PLCB4: variants seen among roughly 807,000 people sequenced by gnomAD.
The protein encoded by PLCB4 is 1-phosphatidylinositol 4,5-bisphosphate phosphodiesterase beta-4.
A neutral mutation model predicts 178.8 loss-of-function variants in PLCB4; 77 were observed. The observed-to-expected ratio is 0.43, with a 90% CI of 0.36 to 0.52. The LOEUF is 0.52. Ranked by LOEUF, PLCB4 falls within the 20% of genes least tolerant of loss-of-function variation. The pLI, the probability that PLCB4 is intolerant of heterozygous loss-of-function variation, is 0.00. For missense variants in PLCB4, 1,024 were observed against 1,453.4 expected (o/e 0.70, Z 4.80); for synonymous variants, 496 against 490.8 (o/e 1.01, Z -0.14).
chr20:9,199,727 A>G (rs1362473320), intron 2 of PLCB4, among the ~76,000 whole-genome samples: 1 of 152,222 alleles, frequency 6.6e-6, no homozygotes, highest in Non-Finnish European at 1.5e-5. Context: ...AGAAATGAAC[A>G]AAAATTGGTA....
At chr20:9,090,510 G>GTTTTTTTTTTTTTTTTTTTTTT (rs1491024281) in intron 1 of PLCB4, among the ~76,000 whole-genome samples, 1 of 96,324 alleles carries the variant, frequency 1.0e-5, no homozygotes. Flanking sequence ...CATTTTTAGT[G>GTTTTTTTTTTTTTTTTTTTTTT]TGTTTTTTTT....
At chr20:9,299,940 C>A (rs2094684334) in intron 3 of PLCB4, among the ~76,000 whole-genome samples, 1 of 151,970 alleles carries the variant, frequency 6.6e-6, no homozygotes, top group Non-Finnish European at 1.5e-5. Flanking sequence ...TTCCTGTACT[C>A]TTTGTATGTT....
At chr20:9,332,557 G>A (rs1301715604) in intron 4 of PLCB4, among the ~76,000 whole-genome samples, 1 of 151,658 alleles carries the variant, frequency 6.6e-6, no homozygotes, top group Non-Finnish European at 1.5e-5. Flanking sequence ...GGGTTTTGTC[G>A]TGAGCCTGGT....
intron 36 of PLCB4, 112 bp downstream of exon 36, chr20:9,468,784 C>A: frequency 1.6e-6 from 1 of 606,696 alleles, no homozygotes; most frequent in South Asian, 2.3e-5. Context: ...ACACTTGTGG[C>A]TTTTGACTAG....
chr20:9,103,883 T>G (rs1206365117), intron 2 of PLCB4, among the ~76,000 whole-genome samples: 1 of 152,216 alleles, frequency 6.6e-6, no homozygotes, highest in Non-Finnish European at 1.5e-5. Context: ...CTTCAGAATA[T>G]GCTGGCATCT....
At chr20:9,458,381 G>T (rs550450874) in intron 34 of PLCB4, among the ~76,000 whole-genome samples, 10 of 152,332 alleles carry the variant, frequency 6.6e-5, no homozygotes, top group African/African-American at 2.4e-4. Context: ...AAACTGTCAT[G>T]ATTCTTAGAT....
rs553213781 is a variant in PLCB4 at position 9,216,746 on chromosome 20, C to T, written c.-78-644C>T. ...GAACTCCACTCCTGAGGCAAGTGATCTGCTTGCCTTGGCCTCCCAAAGTGT... is the reference window on the plus strand; with the variant it reads ...GAACTCCACTCCTGAGGCAAGTGATTTGCTTGCCTTGGCCTCCCAAAGTGT... On this transcript the variant is annotated intron_variant, in intron 2 of 39. Transcript: ENST00000378473. Among the ~76,000 whole-genome samples the T allele has an allele frequency of 2.0e-5, 3 of 152,262 alleles. No individual in the cohort carries two copies. The South Asian group carries it at 6.2e-4, about 32-fold the overall frequency.
chr20:9,440,420 G>T (rs184297827), intron 30 of PLCB4, among the ~76,000 whole-genome samples: 2 of 152,192 alleles, frequency 1.3e-5, no homozygotes, highest in African/African-American at 4.8e-5. Flanking sequence ...CAGCCCCAGC[G>T]CATATCCCTA....
chr20:9,450,661 T>TC (rs2042704641), intron 32 of PLCB4, among the ~76,000 whole-genome samples: 1 of 140,304 alleles, frequency 7.1e-6, no homozygotes, highest in South Asian at 2.3e-4. Context: ...TTCTTTTCTT[T>TC]TTTTTTTTTT....
intron 2 of PLCB4, among the ~76,000 whole-genome samples, chr20:9,120,672 A>C (rs2146747984): frequency 6.6e-6 from 1 of 151,832 alleles, no homozygotes; most frequent in South Asian, 2.1e-4. Context: ...ACCCAAGCTC[A>C]CCTCCACTCA....
At chr20:9,223,281 G>C (rs1271331474) in intron 3 of PLCB4, among the ~76,000 whole-genome samples, 2 of 152,180 alleles carry the variant, frequency 1.3e-5, no homozygotes, top group African/African-American at 2.4e-5. Context: ...CAGACTCAAA[G>C]AGTCGAATTT....
chr20:9,115,829 T>A (rs192539580), intron 2 of PLCB4, among the ~76,000 whole-genome samples: 1 of 152,076 alleles, frequency 6.6e-6, no homozygotes, highest in Non-Finnish European at 1.5e-5. Context: ...AAAGTTTATC[T>A]TAAATTATTT....
At chr20:9,221,196 G>T (rs762516038) in intron 3 of PLCB4, among the ~76,000 whole-genome samples, 27 of 152,204 alleles carry the variant, frequency 1.8e-4, no homozygotes, top group African/African-American at 6.3e-4. Flanking sequence ...GCAGAGTTGG[G>T]GGGTGCAGTG....
intron 38 of PLCB4, among the ~76,000 whole-genome samples, chr20:9,475,242 A>T (rs1047821544): frequency 1.3e-5 from 2 of 152,246 alleles, no homozygotes; most frequent in Non-Finnish European, 2.9e-5. Flanking sequence ...TGTGCTCAGA[A>T]TTACTCATCA....
chr20:9,350,892 G>A (rs572702298), intron 7 of PLCB4, among the ~76,000 whole-genome samples: 1 of 152,284 alleles, frequency 6.6e-6, no homozygotes, highest in South Asian at 2.1e-4. Context: ...ATAAAAACTG[G>A]GGCAGGGAGT....
intron 2 of PLCB4, among the ~76,000 whole-genome samples, chr20:9,201,741 A>T (rs2093549457): frequency 6.6e-6 from 1 of 152,222 alleles, no homozygotes; most frequent in Admixed American, 6.5e-5. Flanking sequence ...AGATGGTACC[A>T]AGTGGGTGAA....
chr20:9,119,343 A>G (rs2091885418), intron 2 of PLCB4, among the ~76,000 whole-genome samples: 1 of 152,152 alleles, frequency 6.6e-6, no homozygotes, highest in South Asian at 2.1e-4. Context: ...ATAGGAAAAA[A>G]TCATTATTGG....
chr20:9,166,454 C>G (rs41306904), intron 2 of PLCB4: 1 of 152,172 alleles, frequency 6.6e-6, no homozygotes, highest in Non-Finnish European at 1.5e-5. Context: ...TGGCTGTGGG[C>G]ACTGTTTGCC....
At position 9,131,069 on chromosome 20, in the gene PLCB4, C is replaced by CT. The variant is rs753605298; in HGVS notation, c.-79+34736dup. Among the ~76,000 whole-genome samples, 217 of 151,394 alleles carry CT rather than the reference C, an allele frequency of 1.4e-3. 2 individuals are homozygous for CT. Among genetic ancestry groups the CT allele is most frequent in the Admixed American group, 2.2e-3 (33 of 15,170 alleles). On this transcript the variant is annotated intron_variant, in intron 2 of 39. Transcript: ENST00000378473. ...GTGGTACTAATAGCATAACTTGACT[C>CT]TTTTTTTTTAATTCAAGGAGCAATA...
Sources: gnomAD v4.1 joint callset for allele counts (sites outside exome capture counted in the v4.1 genomes callset) on GRCh38, gnomAD v4.1.1 for gene constraint, MANE v1.5 for transcripts, NCBI Gene and HGNC (gene_info 2026-07-23, HGNC 2026-07-21) for gene names.